BTD: variants seen among roughly 807,000 people sequenced by gnomAD.
The protein encoded by BTD is biotinidase.
BTD carries 13 observed loss-of-function variants against 17.7 expected under a neutral mutation model. That is an observed-to-expected ratio of 0.74 (90% CI 0.48 to 1.17). The LOEUF (loss-of-function observed/expected upper bound fraction) is 1.17, where lower values mean the gene tolerates loss of function less well. Among genes scored for constraint, BTD ranks in the 50% most tolerant of loss-of-function variants. BTD has a pLI of 0.00. For synonymous variants in BTD, 240 were observed against 245.2 expected (o/e 0.98, Z 0.20); for missense variants, 674 against 650.4 (o/e 1.04, Z -0.39).
chr3:15,711,396 G>C (rs1559384043), exon 4 of BTD: 5 of 708,092 alleles, frequency 7.1e-6, no homozygotes, highest in Non-Finnish European at 1.2e-5. Flanking sequence ...GGGTTCTTAA[G>C]TGCTAGAGTG....
In BTD at chr3:15,635,356, C is replaced by G; in HGVS notation, c.-16-68C>G. Reference sequence around the variant, plus strand: ...AATTGCTGGGATTAATAAATCACAGCTGCAAACGTTAAATTCTTGGCAGGA... The same window carrying G: ...AATTGCTGGGATTAATAAATCACAGGTGCAAACGTTAAATTCTTGGCAGGA... On this transcript the variant is annotated intron_variant, in intron 1 of 3. Coordinates refer to ENST00000643237, the MANE Select transcript of BTD (RefSeq NM_001370658.1). This position sits in a 1 kb window ranked among gnomAD's most constrained non-coding sequence, Gnocchi z 4.1. 8 of 1,608,540 alleles carry G rather than the reference C, an allele frequency of 5.0e-6. No homozygotes were observed. Among genetic ancestry groups the G allele is most frequent in the Non-Finnish European group, 6.8e-6 (8 of 1,176,426 alleles).
intron 3 of BTD, chr3:15,690,189 A>C: frequency 6.2e-7 from 1 of 1,605,952 alleles, no homozygotes; most frequent in Non-Finnish European, 8.5e-7. Context: ...CTGTACCAAC[A>C]CTTCCAGTGC....
chr3:15,623,518 A>G (rs1346662789), intron 1 of BTD, among the ~76,000 whole-genome samples: 2 of 151,994 alleles, frequency 1.3e-5, no homozygotes, highest in Non-Finnish European at 2.9e-5. Context: ...TGGTGTTTTA[A>G]TTGAACATTT....
At chr3:15,613,507 C>T (rs181619177) in intron 1 of BTD, among the ~76,000 whole-genome samples, 1 of 152,018 alleles carries the variant, frequency 6.6e-6, no homozygotes, top group Non-Finnish European at 1.5e-5. Context: ...TCCCTTCTCT[C>T]TTCTTCCCTC....
At chr3:15,684,566 T>C (rs1436101583) in intron 3 of BTD, 1 of 152,214 alleles carries the variant, frequency 6.6e-6, no homozygotes, top group African/African-American at 2.4e-5. Context: ...TGGTTATTTT[T>C]CCCCTAATAT....
chr3:15,616,861 C>G (rs2064806420), intron 1 of BTD, among the ~76,000 whole-genome samples: 1 of 151,458 alleles, frequency 6.6e-6, no homozygotes, highest in Non-Finnish European at 1.5e-5. Flanking sequence ...TTTTTCGAGT[C>G]TCACTCTGTC....
rs552454402 is a variant in BTD at position 15,636,820 on chromosome 3, T to C, written c.249+1132T>C. ...GGGGCAGGGGGTGTGTATGTGTGTA[T>C]AACATGATGTTGAAAGGGAACTTGA... is the stretch of plus-strand genomic sequence containing the variant. On this transcript the variant is annotated intron_variant, in intron 2 of 3. Transcript: ENST00000643237. Among the ~76,000 whole-genome samples the C allele has an allele frequency of 1.5e-3, 225 of 152,162 alleles. 2 individuals carry two copies. The highest frequency in any genetic ancestry group is 0.013 in the East Asian group (66 of 5,170).
exon 4 of BTD, chr3:15,712,235 G>GTATT (rs1469055555): frequency 6.4e-7 from 1 of 1,553,010 alleles, no homozygotes; most frequent in African/African-American, 1.4e-5. Flanking sequence ...AAAGTTAATA[G>GTATT]AACAGGACAG....
intron 3 of BTD, among the ~76,000 whole-genome samples, chr3:15,693,071 G>C (rs2069008635): frequency 6.6e-6 from 1 of 152,148 alleles, no homozygotes; most frequent in African/African-American, 2.4e-5. Flanking sequence ...GGAACAGAAG[G>C]TAGGCTAGTA....
chr3:15,648,597 A>T lies in BTD; in HGVS notation c.*3109A>T, dbSNP rs1479557329. Among the ~76,000 whole-genome samples the T allele has an allele frequency of 2.0e-5, 3 of 152,246 alleles. No homozygotes were observed. Among genetic ancestry groups the T allele is most frequent in the Non-Finnish European group, 2.9e-5 (2 of 68,040 alleles). ...GATGTCAGCCGAGGTGACAGTGAAG[A>T]TATCAACCAAGGCTGCAGCCGGTTG... On this transcript the variant is annotated 3_prime_UTR_variant, in exon 4 of 4. Coordinates refer to ENST00000643237, the MANE Select transcript of BTD (RefSeq NM_001370658.1).
intron 3 of BTD, among the ~76,000 whole-genome samples, chr3:15,674,709 A>G (rs1175315026): frequency 6.6e-6 from 1 of 152,172 alleles, no homozygotes; most frequent in East Asian, 1.9e-4. Context: ...TGAGTCCTAG[A>G]AGAAGAGGGA....
chr3:15,663,704 T>C (rs1489640412), intron 3 of BTD, among the ~76,000 whole-genome samples: 2 of 152,196 alleles, frequency 1.3e-5, no homozygotes, highest in Non-Finnish European at 2.9e-5. Context: ...GTCCTTTTTT[T>C]TCCCCCTTTA....
intron 1 of BTD, among the ~76,000 whole-genome samples, chr3:15,603,057 AC>A (rs1279658588): frequency 6.6e-6 from 1 of 152,134 alleles, no homozygotes; most frequent in Non-Finnish European, 1.5e-5. Context: ...CATGAGACTT[AC>A]TATCATTAGA....
chr3:15,616,581 A>T (rs1421839628), intron 1 of BTD, among the ~76,000 whole-genome samples: 1 of 151,548 alleles, frequency 6.6e-6, no homozygotes. Context: ...GCACCATTGT[A>T]CTCCAGCATA....
chr3:15,713,271 A>G (rs2072569088), downstream of BTD, among the ~76,000 whole-genome samples: 1 of 152,224 alleles, frequency 6.6e-6, no homozygotes, highest in Admixed American at 6.5e-5. Context: ...AAAAATTAAC[A>G]GCTCTGATCA....
intron 3 of BTD, among the ~76,000 whole-genome samples, chr3:15,698,403 G>A (rs1322842996): frequency 1.3e-5 from 2 of 152,176 alleles, no homozygotes; most frequent in African/African-American, 2.4e-5. Context: ...AATCAGGCAA[G>A]AGAAAGAAAT....
chr3:15,639,155 A>G (rs1410178786), intron 2 of BTD, among the ~76,000 whole-genome samples: 1 of 152,026 alleles, frequency 6.6e-6, no homozygotes, highest in Non-Finnish European at 1.5e-5. Flanking sequence ...CAAGAATGCA[A>G]CTTACTTCCT....
intron 3 of BTD, among the ~76,000 whole-genome samples, chr3:15,661,959 GT>G (rs1459522901): frequency 6.6e-6 from 1 of 152,098 alleles, no homozygotes; most frequent in Non-Finnish European, 1.5e-5. Context: ...CTATTTCTGG[GT>G]TCTCTATCTG....
chr3:15,643,505 AAAAAAG>A (rs2125494860), intron 3 of BTD, among the ~76,000 whole-genome samples: 1 of 152,268 alleles, frequency 6.6e-6, no homozygotes, highest in South Asian at 2.1e-4. Context: ...TGCCTCAAAA[AAAAAAG>A]AAAAAGAAGA....
Sources: allele counts gnomAD v4.1 joint callset (sites outside exome capture counted in the v4.1 genomes callset), GRCh38; gene constraint gnomAD v4.1.1; non-coding constraint Gnocchi (gnomAD v3.1); transcripts MANE v1.5; gene names NCBI Gene and HGNC (gene_info 2026-07-23, HGNC 2026-07-21).